FBXO6: variants seen among roughly 807,000 people sequenced by gnomAD.
FBXO6 encodes F-box only protein 6.
Under a neutral mutation model 25.0 loss-of-function variants are expected in FBXO6, and 13 were observed. That is an observed-to-expected ratio of 0.52 (90% CI 0.34 to 0.83). The LOEUF (loss-of-function observed/expected upper bound fraction) is 0.83, where lower values mean the gene tolerates loss of function less well. Ranked by LOEUF, FBXO6 falls within the 40% of genes least tolerant of loss-of-function variation. The probability of loss-of-function intolerance (pLI) is 0.02; values close to 1 mark genes in which losing one functional copy is unlikely to be tolerated. For missense variants in FBXO6, 370 were observed against 380.2 expected (o/e 0.97, Z 0.22); for synonymous variants, 138 against 155.3 (o/e 0.89, Z 0.83).
At position 11,673,484 on chromosome 1, in the gene FBXO6, C is replaced by T. The variant is rs1640686392; in HGVS notation, c.645+72C>T. 6.3e-7 allele frequency: 1 copy of T among 1,592,030 alleles called. No individual in the cohort carries two copies. Among genetic ancestry groups the T allele is most frequent in the Non-Finnish European group, 8.6e-7 (1 of 1,166,620 alleles). The stretch of plus-strand genomic sequence containing the variant: ...AGGATGGCAGGAAGCAAAGGGCAGC[C>T]TCAGGGCCCAGGGTGCCCCTGCTGG... On this transcript the variant is annotated intron_variant, in intron 5 of 5. Transcript: ENST00000376753. The surrounding 1 kb of genome is among the most constrained non-coding windows in gnomAD (Gnocchi z 4.3).
chr1:11,669,891 C>A (rs1640567354), intron 2 of FBXO6, among the ~76,000 whole-genome samples: 1 of 145,382 alleles, frequency 6.9e-6, no homozygotes, highest in Admixed American at 6.8e-5. Context: ...CCTGCCTCGG[C>A]CTCCCAAAGT....
At chr1:11,669,606 A>T (rs1254845548) in intron 2 of FBXO6, among the ~76,000 whole-genome samples, 4 of 150,542 alleles carry the variant, frequency 2.7e-5, no homozygotes, top group Non-Finnish European at 5.9e-5. Flanking sequence ...ACACACACAT[A>T]TGTATACATA....
rs1238899033 is a variant in FBXO6 at position 11,665,285 on chromosome 1, C to A, written c.-4+1030C>A. Among the ~76,000 whole-genome samples, 9 of 123,910 alleles carry A rather than the reference C, an allele frequency of 7.3e-5. 1 individual carries two copies. The allele number at this position is 123,910 out of a possible 152,430, so 81.3% of individuals were successfully genotyped here. A position where few individuals can be genotyped will look rare whatever the true frequency, so the allele number is the denominator to read the frequency against. ...TGTCGCCCAGGCTGGAGTGCAGTGG[C>A]GCGATCTCAGCTCACTGCAAGCTCC... On this transcript the variant is annotated intron_variant, in intron 1 of 5. Coordinates refer to ENST00000376753, the MANE Select transcript of FBXO6 (RefSeq NM_018438.6).
In FBXO6 at chr1:11,673,160, G is replaced by T; in HGVS notation, c.510-117G>T. ...AAGCCAGCTGGGCCTTGCAGGCAGAGCAGTGTCAGCTGATGGGAGATGAAG... is the reference window on the plus strand; with the variant it reads ...AAGCCAGCTGGGCCTTGCAGGCAGATCAGTGTCAGCTGATGGGAGATGAAG... On this transcript the variant is annotated intron_variant, in intron 4 of 5. Transcript: ENST00000376753. This position sits in a 1 kb window ranked among gnomAD's most constrained non-coding sequence, Gnocchi z 4.3. 7.7e-7 allele frequency: 1 copy of T among 1,298,628 alleles called. No individual in the cohort carries two copies. The highest frequency in any genetic ancestry group is 1.0e-6 in the Non-Finnish European group (1 of 962,436). The allele number at this position is 1,298,628 out of a possible 1,614,324, so 80.4% of individuals were successfully genotyped here.
chr1:11,667,694 C>T (rs1290506386), intron 1 of FBXO6, among the ~76,000 whole-genome samples: 1 of 152,080 alleles, frequency 6.6e-6, no homozygotes, highest in African/African-American at 2.4e-5. Flanking sequence ...GTTGTTTTAT[C>T]ACATGTGACT....
intron 1 of FBXO6, among the ~76,000 whole-genome samples, chr1:11,664,895 G>C (rs1640363062): frequency 6.6e-6 from 1 of 152,320 alleles, no homozygotes; most frequent in Admixed American, 6.5e-5. Context: ...CCGGGGGGGG[G>C]AAGGGGCGCA....
intron 2 of FBXO6, 22 bp from the exon 3 acceptor site, chr1:11,671,244 C>T: frequency 6.2e-7 from 1 of 1,611,186 alleles, no homozygotes; most frequent in Non-Finnish European, 8.5e-7. Flanking sequence ...GGGGGTCTCA[C>T]CTTGGCTTCT....
At chr1:11,664,891 G>T (rs3125811) in intron 1 of FBXO6, among the ~76,000 whole-genome samples, 13 of 151,734 alleles carry the variant, frequency 8.6e-5, no homozygotes, top group South Asian at 2.1e-4. Flanking sequence ...AGGGCCGGGG[G>T]GGGGAAGGGG....
At chr1:11,667,436 C>T (rs755323354) in intron 1 of FBXO6, among the ~76,000 whole-genome samples, 1 of 152,138 alleles carries the variant, frequency 6.6e-6, no homozygotes, top group South Asian at 2.1e-4. Flanking sequence ...TGTTGAGAGC[C>T]GGTTTGTGCT....
Position 11,673,639 on chromosome 1 carries a change from C to G in FBXO6, c.670C>G (p.Pro224Ala). The change falls in exon 6 of 6, where the codon CCC becomes GCC. Residue 224 changes from proline to alanine, a missense_variant. Transcript: ENST00000376753. This position sits in a 1 kb window ranked among gnomAD's most constrained non-coding sequence, Gnocchi z 4.3. Reference protein sequence around the residue: ...TEVSYTFSDYPRGVRYILFQH... With the variant: ...TEVSYTFSDYARGVRYILFQH... ...GGTCTCCTACACCTTCTCAGACTAC[C>G]CCCGGGGTGTCCGCTACATCCTCTT... 1.2e-6 allele frequency: 2 copies of G among 1,614,120 alleles called. No individual in the cohort carries two copies. Among genetic ancestry groups the G allele is most frequent in the Non-Finnish European group, 1.7e-6 (2 of 1,180,016 alleles).
chr1:11,673,162 A>G lies in FBXO6; in HGVS notation c.510-115A>G, dbSNP rs1175548513. The G allele has an allele frequency of 7.7e-7, 1 of 1,303,820 alleles. No individual in the cohort carries two copies. The highest frequency in any genetic ancestry group is 1.0e-6 in the Non-Finnish European group (1 of 965,844). The allele number at this position is 1,303,820 out of a possible 1,614,324, so 80.8% of individuals were successfully genotyped here. A position where few individuals can be genotyped will look rare whatever the true frequency, so the allele number is the denominator to read the frequency against. On this transcript the variant is annotated intron_variant, in intron 4 of 5. Transcript: ENST00000376753. This position sits in a 1 kb window ranked among gnomAD's most constrained non-coding sequence, Gnocchi z 4.3. ...GCCAGCTGGGCCTTGCAGGCAGAGC[A>G]GTGTCAGCTGATGGGAGATGAAGCT...
rs760303649 is a variant in FBXO6 at position 11,671,430 on chromosome 1, G to A, written c.413+38G>A. 2.5e-6 allele frequency: 4 copies of A among 1,601,156 alleles called. No individual in the cohort carries two copies. In the South Asian group the frequency reaches 4.4e-5, roughly 18 times the overall value. ...GAACCTACCAGGCTTGCGTGGAGGG[G>A]ACAGAGGGTCAGGACACCTTTGCCA... On this transcript the variant is annotated intron_variant, in intron 3 of 5. Coordinates refer to ENST00000376753, the MANE Select transcript of FBXO6 (RefSeq NM_018438.6).
rs1478792123 is a variant in FBXO6, at chr1:11,668,647, C to T, written c.-3-9C>T. The T allele has an allele frequency of 1.9e-6, 3 of 1,605,340 alleles. No individual in the cohort carries two copies. The highest frequency in any genetic ancestry group is 1.7e-5 in the Admixed American group (1 of 59,858). ...CTGGTCAGGCTCATAACTGCTGTTG[C>T]CCCCACAGGCCATGGATGCTCCCCA... On this transcript the variant is annotated splice_polypyrimidine_tract_variant and intron_variant, in intron 1 of 5. Transcript: ENST00000376753.
At chr1:11,672,953 T>C (rs1162381629) in intron 4 of FBXO6, among the ~76,000 whole-genome samples, 1 of 152,226 alleles carries the variant, frequency 6.6e-6, no homozygotes, top group African/African-American at 2.4e-5. Flanking sequence ...CACAGCCTGG[T>C]CCATTGTAAG....
intron 1 of FBXO6, among the ~76,000 whole-genome samples, chr1:11,666,773 C>T (rs1303857538): frequency 1.3e-5 from 2 of 152,176 alleles, no homozygotes; most frequent in East Asian, 1.9e-4. Context: ...CATGCACCCA[C>T]CCTCCTGTTT....
chr1:11,664,400 C>T (rs1372105534), intron 1 of FBXO6, 145 bp downstream of exon 1: 1 of 151,466 alleles, frequency 6.6e-6, no homozygotes, highest in Non-Finnish European at 1.5e-5. Flanking sequence ...TCGGGCCGAC[C>T]TGGAGCTCCG....
chr1:11,667,616 A>C, intron 1 of FBXO6, among the ~76,000 whole-genome samples: 1 of 150,892 alleles, frequency 6.6e-6, no homozygotes, highest in Non-Finnish European at 1.5e-5. Flanking sequence ...TTTTCCGGCC[A>C]TCTCCAAGTG....
Position 11,673,432 on chromosome 1 carries a change from C to T in FBXO6, c.645+20C>T. The stretch of plus-strand genomic sequence containing the variant: ...ACAGAGGTGAGGCCTCACCCACTTG[C>T]TCTCTCTACCCACTCCTCCCAGGGC... On this transcript the variant is annotated intron_variant, in intron 5 of 5. Transcript: ENST00000376753. This position sits in a 1 kb window ranked among gnomAD's most constrained non-coding sequence, Gnocchi z 4.3. The T allele has an allele frequency of 6.2e-7, 1 of 1,612,214 alleles. No homozygotes were observed. The highest frequency in any genetic ancestry group is 8.5e-7 in the Non-Finnish European group (1 of 1,179,092).
In FBXO6 at chr1:11,672,750, G is replaced by A. The variant is rs899542893; in HGVS notation, c.510-527G>A. On this transcript the variant is annotated intron_variant, in intron 4 of 5. Coordinates refer to ENST00000376753, the MANE Select transcript of FBXO6 (RefSeq NM_018438.6). ...TACTCTGTGCACAGAACTGTGCCAG[G>A]CTCTGGCTTGGCCGGTGGCAGAAGC... Among the ~76,000 whole-genome samples the A allele has an allele frequency of 3.4e-4, 52 of 152,340 alleles. 1 individual carries two copies. Among genetic ancestry groups the A allele is most frequent in the African/African-American group, 4.8e-4 (20 of 41,578 alleles).
Sources: allele counts gnomAD v4.1 joint callset (sites outside exome capture counted in the v4.1 genomes callset), GRCh38; gene constraint gnomAD v4.1.1; non-coding constraint Gnocchi (gnomAD v3.1); transcripts MANE v1.5; gene names NCBI Gene and HGNC (gene_info 2026-07-23, HGNC 2026-07-21).